The following MZT2B variants were observed in gnomAD, a reference collection of about 807,000 sequenced individuals.
MZT2B encodes mitotic spindle organizing protein 2B.
In MZT2B, 11 loss-of-function variants were observed where a neutral mutation model predicts 12.1. The ratio of observed to expected loss-of-function variants is 0.91; its 90% CI spans 0.57 to 1.50. MZT2B has a LOEUF of 1.50. Ranked by LOEUF, MZT2B falls within the 40% of genes most tolerant of loss-of-function variation. The pLI is 0.00. For synonymous variants in MZT2B, 85 were observed against 109.5 expected (o/e 0.78, Z 1.40); for missense variants, 209 against 227.7 (o/e 0.92, Z 0.53).
At chr2:130,193,277 C>T (rs1182264437), downstream of MZT2B, among the ~76,000 whole-genome samples, 1 of 151,708 alleles carries the variant, frequency 6.6e-6, no homozygotes, top group Non-Finnish European at 1.5e-5. Context: ...ATAAAGCTCA[C>T]CACAGATATA....
downstream of MZT2B, among the ~76,000 whole-genome samples, chr2:130,193,084 T>A (rs1472431734): frequency 7.7e-6 from 1 of 130,508 alleles, no homozygotes; most frequent in Non-Finnish European, 1.6e-5. Context: ...CAGAGCAAGA[T>A]TGTCTCAAAA....
chr2:130,203,375 A>T, the MZT2B span, among the ~76,000 whole-genome samples: 1 of 151,988 alleles, frequency 6.6e-6, no homozygotes, highest in African/African-American at 2.4e-5. Flanking sequence ...CCCATGTGGG[A>T]GCCGCCCTGC....
chr2:130,191,097 C>T (rs1236777436), downstream of MZT2B, among the ~76,000 whole-genome samples: 1 of 152,036 alleles, frequency 6.6e-6, no homozygotes, highest in East Asian at 1.9e-4. Flanking sequence ...CTACAGGTGC[C>T]CATCACCACG....
At chr2:130,200,917 T>C in the MZT2B span, among the ~76,000 whole-genome samples, 1 of 152,010 alleles carries the variant, frequency 6.6e-6, no homozygotes, top group African/African-American at 2.4e-5. Flanking sequence ...AAGATCATCT[T>C]AGTGTGTATT....
At chr2:130,192,804 GACA>G (rs1173416413), downstream of MZT2B, among the ~76,000 whole-genome samples, 1 of 152,172 alleles carries the variant, frequency 6.6e-6, no homozygotes, top group Non-Finnish European at 1.5e-5. Flanking sequence ...TTCTATAAAT[GACA>G]ACATCAGGCC....
the MZT2B span, among the ~76,000 whole-genome samples, chr2:130,201,845 G>T: frequency 4.6e-5 from 7 of 152,278 alleles, no homozygotes; most frequent in African/African-American, 1.7e-4. Flanking sequence ...TAGCCCCTTG[G>T]CTACAGACCT....
At chr2:130,190,923 A>G (rs527407706), downstream of MZT2B, among the ~76,000 whole-genome samples, 46 of 152,056 alleles carry the variant, frequency 3.0e-4, no homozygotes, top group Non-Finnish European at 6.3e-4. Context: ...AGACGTCAAC[A>G]AGCTTCACTT....
intron 2 of MZT2B, among the ~76,000 whole-genome samples, chr2:130,186,695 C>T (rs1690077118): frequency 1.3e-5 from 2 of 152,192 alleles, no homozygotes; most frequent in Non-Finnish European, 2.9e-5. Context: ...ATCTCTTGAG[C>T]TCAGCAGTTC....
chr2:130,189,478 A>T (rs1184389184), intron 2 of MZT2B, among the ~76,000 whole-genome samples: 1 of 152,084 alleles, frequency 6.6e-6, no homozygotes, highest in Non-Finnish European at 1.5e-5. Context: ...GGGGGATGAA[A>T]TGGGGGACCC....
chr2:130,188,600 G>C (rs1049272695), intron 2 of MZT2B, among the ~76,000 whole-genome samples: 17 of 152,198 alleles, frequency 1.1e-4, no homozygotes, highest in South Asian at 2.1e-4. Context: ...CATCTTTGTT[G>C]AGTCAAGTGT....
the MZT2B span, among the ~76,000 whole-genome samples, chr2:130,197,106 G>T: frequency 1.6e-3 from 236 of 152,128 alleles, 1 homozygote; most frequent in African/African-American, 5.4e-3. Context: ...TTGTAACCAC[G>T]CCCTCTCTCT....
At position 130,184,176 on chromosome 2, in the gene MZT2B, C is replaced by CA. The variant is rs1011192961; in HGVS notation, c.319+1402dup. The CA allele has an allele frequency of 2.8e-5, 41 of 1,448,536 alleles. 1 individual carries two copies. The South Asian group carries it at 2.9e-4, about 10-fold the overall frequency. 89.7% of individuals were successfully genotyped at this position (1,448,536 alleles called of 1,614,324 possible). ...TCTCTAGACCCCACAGTCGGGCTGG[C>CA]ATCTGGGGACAGGACCAACACCCCC... On this transcript the variant is annotated intron_variant, in intron 2 of 2. Transcript: ENST00000281871.
upstream of MZT2B, chr2:130,182,151 C>A (rs28709423): frequency 4.0e-6 from 5 of 1,252,080 alleles, no homozygotes; most frequent in African/African-American, 6.3e-5. Flanking sequence ...GAGGCGGCCC[C>A]GTCCCCGCGC....
chr2:130,184,727 A>G (rs1689992121), intron 2 of MZT2B: 1 of 985,424 alleles, frequency 1.0e-6, no homozygotes. Flanking sequence ...GAAACTGGGA[A>G]CAGAGTCCTT....
chr2:130,183,312 G>A, intron 2 of MZT2B: 1 of 283,750 alleles, frequency 3.5e-6, no homozygotes, highest in Non-Finnish European at 6.9e-6. Context: ...CCTGGGCCCA[G>A]TTCCTGCGCA....
the MZT2B span, chr2:130,196,416 C>T: frequency 3.1e-6 from 5 of 1,594,540 alleles, no homozygotes; most frequent in African/African-American, 6.7e-5. Context: ...TTCAAGGCAA[C>T]TTGAAACTAT....
upstream of MZT2B, chr2:130,181,888 C>A: frequency 2.6e-6 from 4 of 1,515,210 alleles, no homozygotes; most frequent in Non-Finnish European, 3.5e-6. Context: ...CGAAAAGCGA[C>A]CCCTAGTGGT....
chr2:130,196,135 G>T, the MZT2B span: 3 of 1,605,930 alleles, frequency 1.9e-6, no homozygotes, highest in African/African-American at 2.7e-5. Flanking sequence ...GCCATCCAGT[G>T]CCCAGGCACC....
At position 130,183,046 on chromosome 2, in the gene MZT2B, T is replaced by A. The variant is rs570914665; in HGVS notation, c.319+271T>A. ...GCTTAGCTCCCCTCCACCTCTTCAC[T>A]CAGGCCTTCATCCTACAACGTCGGG... On this transcript the variant is annotated intron_variant, in intron 2 of 2. Transcript: ENST00000281871. The A allele has an allele frequency of 2.3e-5, 13 of 576,616 alleles. No individual in the cohort carries two copies. The African/African-American group carries it at 2.5e-4, about 11-fold the overall frequency. 35.7% of individuals were successfully genotyped at this position (576,616 alleles called of 1,614,324 possible). A position where few individuals can be genotyped will look rare whatever the true frequency, so the allele number is the denominator to read the frequency against.
Sources: gnomAD v4.1 joint callset for allele counts (sites outside exome capture counted in the v4.1 genomes callset) on GRCh38, gnomAD v4.1.1 for gene constraint, MANE v1.5 for transcripts, NCBI Gene and HGNC (gene_info 2026-07-23, HGNC 2026-07-21) for gene names.